The following KIAA1217 variants were observed in gnomAD, a reference collection of about 807,000 sequenced individuals.
KIAA1217 encodes the protein KIAA1217.
KIAA1217 carries 88 observed loss-of-function variants against 163.9 expected under a neutral mutation model. The observed-to-expected ratio is 0.54, with a 90% CI of 0.45 to 0.64. KIAA1217 has a LOEUF of 0.64. Ranked by LOEUF, KIAA1217 falls within the 30% of genes least tolerant of loss-of-function variation. The pLI is 0.00. For synonymous variants in KIAA1217, 903 were observed against 923.1 expected (o/e 0.98, Z 0.39); for missense variants, 2,372 against 2,475.0 (o/e 0.96, Z 0.88).
chr10:23,948,505 T>C (rs1340802090), intron 1 of KIAA1217, among the ~76,000 whole-genome samples: 1 of 152,174 alleles, frequency 6.6e-6, no homozygotes, highest in Non-Finnish European at 1.5e-5. Flanking sequence ...TGAGGTTTTT[T>C]GTGAAACTTT....
rs377394001 is a variant in KIAA1217 at position 24,072,868 on chromosome 10, G to C, written c.-171+65494G>C. The stretch of plus-strand genomic sequence containing the variant: ...CTGTCAGAAAGAAGGACTGCAGCCT[G>C]GGCAACCTGGTGAAACCCCATCTCT... On this transcript the variant is annotated intron_variant, in intron 2 of 18. Coordinates refer to the KIAA1217 transcript ENST00000376462. Among the ~76,000 whole-genome samples, 98 of 152,170 alleles carry C rather than the reference G, an allele frequency of 6.4e-4. 1 individual carries two copies. Among genetic ancestry groups the C allele is most frequent in the African/African-American group, 2.3e-3 (95 of 41,528 alleles).
At chr10:24,490,904 A>G (rs2066025923) in intron 6 of KIAA1217, among the ~76,000 whole-genome samples, 1 of 152,130 alleles carries the variant, frequency 6.6e-6, no homozygotes, top group Non-Finnish European at 1.5e-5. Context: ...TCCCTTCCTC[A>G]CAGATACAAA....
At chr10:23,984,070 G>A (rs1845875240) in intron 1 of KIAA1217, among the ~76,000 whole-genome samples, 1 of 152,174 alleles carries the variant, frequency 6.6e-6, no homozygotes, top group African/African-American at 2.4e-5. Flanking sequence ...AAATCCACTG[G>A]ACAAAGGTTG....
At chr10:24,454,745 G>C (rs984212239) in intron 5 of KIAA1217, among the ~76,000 whole-genome samples, 1 of 152,092 alleles carries the variant, frequency 6.6e-6, no homozygotes, top group Non-Finnish European at 1.5e-5. Context: ...CTTGCAGTAG[G>C]GACTGAGGGA....
At chr10:23,720,504 T>C (rs1837818474) in intron 1 of KIAA1217, among the ~76,000 whole-genome samples, 3 of 152,206 alleles carry the variant, frequency 2.0e-5, no homozygotes, top group Middle Eastern at 3.4e-3. Flanking sequence ...GAGGCTGAGC[T>C]GAATAGACTG....
intron 2 of KIAA1217, among the ~76,000 whole-genome samples, chr10:24,082,880 T>A (rs1322889844): frequency 6.6e-6 from 1 of 152,242 alleles, no homozygotes; most frequent in African/African-American, 2.4e-5. Context: ...AAAGTGTTCC[T>A]ATTTCTCTGC....
At chr10:24,431,399 A>G (rs950847981) in intron 3 of KIAA1217, among the ~76,000 whole-genome samples, 1 of 152,152 alleles carries the variant, frequency 6.6e-6, no homozygotes, top group African/African-American at 2.4e-5. Flanking sequence ...ACTTCACATG[A>G]CAGTCATTTA....
At chr10:23,776,719 CACCCAGGCTGGAATG>C (rs1329123340) in intron 1 of KIAA1217, among the ~76,000 whole-genome samples, 3 of 123,410 alleles carry the variant, frequency 2.4e-5, no homozygotes, top group Non-Finnish European at 4.8e-5. Flanking sequence ...CTTGCTCTGT[CACCCAGGCTGGAATG>C]CAGTGGTGTG....
chr10:24,314,718 G>A (rs929545998), intron 2 of KIAA1217, among the ~76,000 whole-genome samples: 1 of 152,026 alleles, frequency 6.6e-6, no homozygotes, highest in Admixed American at 6.6e-5. Flanking sequence ...GAGGCAGGAG[G>A]ATCATGATTG....
chr10:23,905,185 T>A (rs1418468708), intron 1 of KIAA1217, among the ~76,000 whole-genome samples: 1 of 20 alleles, frequency 0.05, no homozygotes. Context: ...AAGGGGCTGC[T>A]TTTTTTTTTT....
chr10:23,768,907 G>A (rs115919191), intron 1 of KIAA1217, among the ~76,000 whole-genome samples: 458 of 152,272 alleles, frequency 3.0e-3, no homozygotes, highest in African/African-American at 0.011. Context: ...GCCAGAGAGT[G>A]TAATAAGCAT....
chr10:24,208,606 T>C (rs372795826), upstream of KIAA1217, among the ~76,000 whole-genome samples: 212 of 38,324 alleles, frequency 5.5e-3, 1 homozygote, highest in African/African-American at 0.043. Flanking sequence ...TCAAATTGTT[T>C]GGGATTTTTT....
chr10:24,111,235 T>C (rs977351329), intron 2 of KIAA1217, among the ~76,000 whole-genome samples: 9 of 152,334 alleles, frequency 5.9e-5, no homozygotes, highest in Admixed American at 5.9e-4. Context: ...ACCCAACTGA[T>C]TGTGTTACAG....
intron 9 of KIAA1217, among the ~76,000 whole-genome samples, chr10:24,508,068 A>G (rs565803224): frequency 4.6e-5 from 7 of 152,194 alleles, no homozygotes; most frequent in Admixed American, 1.3e-4. Flanking sequence ...CAAAAATATT[A>G]TAAGGGAAGA....
At chr10:24,173,419 T>G (rs1162028398) in intron 2 of KIAA1217, among the ~76,000 whole-genome samples, 1 of 152,166 alleles carries the variant, frequency 6.6e-6, no homozygotes, top group African/African-American at 2.4e-5. Flanking sequence ...AGAAATAAAG[T>G]GCATAATGCA....
intron 1 of KIAA1217, among the ~76,000 whole-genome samples, chr10:23,937,524 G>A (rs890976193): frequency 3.9e-5 from 6 of 152,110 alleles, no homozygotes; most frequent in Non-Finnish European, 7.4e-5. Context: ...ACCAGAATCT[G>A]CACCTTACCT....
At chr10:24,507,688 CAA>C (rs1204846072) in intron 9 of KIAA1217, among the ~76,000 whole-genome samples, 1 of 152,008 alleles carries the variant, frequency 6.6e-6, no homozygotes, top group Non-Finnish European at 1.5e-5. Flanking sequence ...GAAAAATATT[CAA>C]AAAGGTAATG....
intron 2 of KIAA1217, among the ~76,000 whole-genome samples, chr10:24,038,818 C>G (rs545547578): frequency 1.4e-5 from 2 of 145,236 alleles, no homozygotes; most frequent in African/African-American, 5.1e-5. Context: ...GTAGCACGAT[C>G]TCAGCTCACT....
At chr10:23,917,152 A>T (rs569452831) in intron 1 of KIAA1217, among the ~76,000 whole-genome samples, 1 of 152,020 alleles carries the variant, frequency 6.6e-6, no homozygotes, top group African/African-American at 2.4e-5. Context: ...TAGTGCGTTA[A>T]TGACACTCTG....
Sources: gnomAD v4.1 joint callset for allele counts (sites outside exome capture counted in the v4.1 genomes callset) on GRCh38, gnomAD v4.1.1 for gene constraint, MANE v1.5 for transcripts, NCBI Gene and HGNC (gene_info 2026-07-23, HGNC 2026-07-21) for gene names.